The following CNTNAP2 variants were observed in gnomAD, a reference collection of about 807,000 sequenced individuals.
CNTNAP2 encodes the protein contactin-associated protein-like 2.
CNTNAP2 carries 98 observed loss-of-function variants against 155.2 expected under a neutral mutation model. The observed-to-expected ratio is 0.63, with a 90% CI of 0.54 to 0.75. The LOEUF (loss-of-function observed/expected upper bound fraction) is 0.75. Ranked by LOEUF, CNTNAP2 falls within the 30% of genes least tolerant of loss-of-function variation. CNTNAP2 has a pLI of 0.00. For synonymous variants in CNTNAP2, 651 were observed against 631.2 expected, an observed-to-expected ratio of 1.03 and a Z score of -0.47; for missense variants, 1,727 against 1,688.1, an observed-to-expected ratio of 1.02 and a Z score of -0.40.
At chr7:146,835,642 G>A (rs1803602490) in intron 2 of CNTNAP2, among the ~76,000 whole-genome samples, 1 of 152,096 alleles carries the variant, frequency 6.6e-6, no homozygotes, top group South Asian at 2.1e-4. Context: ...GCAGGTATAA[G>A]TAACTCATTG....
chr7:147,996,289 A>G (rs1444240398), intron 15 of CNTNAP2, among the ~76,000 whole-genome samples: 1 of 152,258 alleles, frequency 6.6e-6, no homozygotes, highest in Non-Finnish European at 1.5e-5. Flanking sequence ...ACTTGATTAC[A>G]GAAATTACCT....
intron 12 of CNTNAP2, among the ~76,000 whole-genome samples, chr7:147,597,896 G>C (rs575974402): frequency 6.6e-6 from 1 of 152,136 alleles, no homozygotes; most frequent in Non-Finnish European, 1.5e-5. Flanking sequence ...CAGTCAATTC[G>C]CACCCTTTAG....
At chr7:147,089,200 G>A (rs778788303) in intron 4 of CNTNAP2, among the ~76,000 whole-genome samples, 7 of 152,108 alleles carry the variant, frequency 4.6e-5, no homozygotes, top group South Asian at 4.1e-4. Flanking sequence ...TGTATGTTCC[G>A]TGTATGCATC....
intron 12 of CNTNAP2, among the ~76,000 whole-genome samples, chr7:147,572,914 A>C (rs1800322612): frequency 6.6e-6 from 1 of 151,974 alleles, no homozygotes; most frequent in Non-Finnish European, 1.5e-5. Flanking sequence ...ATCACCTTTT[A>C]TTTCTTCTGA....
intron 21 of CNTNAP2, among the ~76,000 whole-genome samples, chr7:148,347,611 G>A (rs1585294761): frequency 6.6e-6 from 1 of 152,006 alleles, no homozygotes; most frequent in East Asian, 1.9e-4. Context: ...TATTATCTAG[G>A]GTATTACAGT....
chr7:147,203,364 T>G lies in CNTNAP2; in HGVS notation c.1348+70855T>G, dbSNP rs112168269. 9.8e-3 allele frequency among the ~76,000 whole-genome samples: 1,490 copies of G among 152,238 alleles called. 21 individuals carry two copies. Among genetic ancestry groups the G allele is most frequent in the African/African-American group, 0.035 (1,438 of 41,542 alleles). On this transcript the variant is annotated intron_variant, in intron 8 of 23. Coordinates refer to ENST00000361727, the MANE Select transcript of CNTNAP2 (RefSeq NM_014141.6). Reference sequence around the variant, plus strand: ...GGTTCAAGCAATTCTCCCCAGTAGCTGGGATTACAGGTACCCACCACCATG... The same window carrying G: ...GGTTCAAGCAATTCTCCCCAGTAGCGGGGATTACAGGTACCCACCACCATG...
intron 11 of CNTNAP2, among the ~76,000 whole-genome samples, chr7:147,544,493 A>G (rs1413839324): frequency 3.9e-5 from 6 of 152,276 alleles, no homozygotes; most frequent in African/African-American, 1.4e-4. Flanking sequence ...AAAAATGAAA[A>G]TTGTTATAGG....
intron 9 of CNTNAP2, among the ~76,000 whole-genome samples, chr7:147,310,072 G>A (rs960395321): frequency 6.6e-6 from 1 of 152,050 alleles, no homozygotes; most frequent in African/African-American, 2.4e-5. Flanking sequence ...TTTTCCACTT[G>A]GAGATTGGAA....
intron 1 of CNTNAP2, among the ~76,000 whole-genome samples, chr7:146,244,973 G>A (rs1799621984): frequency 6.6e-6 from 1 of 152,166 alleles, no homozygotes; most frequent in East Asian, 1.9e-4. Context: ...TCCCTGAGGA[G>A]TAGTAGAATA....
At chr7:147,457,358 T>C (rs897295212) in intron 10 of CNTNAP2, among the ~76,000 whole-genome samples, 2 of 152,154 alleles carry the variant, frequency 1.3e-5, no homozygotes, top group African/African-American at 2.4e-5. Flanking sequence ...TTCTTTGCAG[T>C]TGTAACGCTC....
chr7:147,749,088 C>T (rs1335138897), intron 13 of CNTNAP2, among the ~76,000 whole-genome samples: 1 of 151,844 alleles, frequency 6.6e-6, no homozygotes, highest in African/African-American at 2.4e-5. Context: ...ATTGGTTATA[C>T]AATATTTGGG....
rs1185335202 is a variant in CNTNAP2 at position 147,298,707 on chromosome 7, C to T, written c.1349-1434C>T. Among the ~76,000 whole-genome samples the T allele has an allele frequency of 2.0e-5, 3 of 152,312 alleles. No individual in the cohort carries two copies. The East Asian group carries it at 5.8e-4, about 29-fold the overall frequency. ...ACTACATAGTTTCCAGTGCAGCTGA[C>T]TCTTGATGTAGGGCATGTGGTATGT... is the stretch of plus-strand genomic sequence containing the variant. On this transcript the variant is annotated intron_variant, in intron 8 of 23. Coordinates refer to ENST00000361727, the MANE Select transcript of CNTNAP2 (RefSeq NM_014141.6).
At chr7:146,880,462 A>G (rs1795523034) in intron 3 of CNTNAP2, among the ~76,000 whole-genome samples, 1 of 152,102 alleles carries the variant, frequency 6.6e-6, no homozygotes, top group African/African-American at 2.4e-5. Flanking sequence ...GTGAGAAATA[A>G]ATGTTTGTTT....
intron 11 of CNTNAP2, among the ~76,000 whole-genome samples, chr7:147,525,629 C>G (rs1302488651): frequency 6.6e-6 from 1 of 152,112 alleles, no homozygotes; most frequent in Non-Finnish European, 1.5e-5. Flanking sequence ...AGTCCTTGAA[C>G]TTTATTCTGG....
In CNTNAP2 at chr7:147,878,150, T is replaced by A. The variant is rs77170709; in HGVS notation, c.2099-25415T>A. Among the ~76,000 whole-genome samples, 24 of 151,438 alleles carry A rather than the reference T, an allele frequency of 1.6e-4. No homozygotes were observed. The South Asian group carries it at 3.3e-3, about 21-fold the overall frequency. ...TTAGCATTGGAAGTTTAGGGTTTTT[T>A]TTTTTTTCTTTTTCTTTTAGTGGAG... On this transcript the variant is annotated intron_variant, in intron 13 of 23. Transcript: ENST00000361727.
intron 8 of CNTNAP2, among the ~76,000 whole-genome samples, chr7:147,231,116 A>T (rs1232628207): frequency 6.6e-6 from 1 of 152,240 alleles, no homozygotes; most frequent in East Asian, 1.9e-4. Flanking sequence ...CTCTCCTGAG[A>T]ACGCACTCAC....
intron 21 of CNTNAP2, among the ~76,000 whole-genome samples, chr7:148,360,286 G>A (rs547867870): frequency 6.6e-6 from 1 of 152,256 alleles, no homozygotes; most frequent in Admixed American, 6.5e-5. Flanking sequence ...AGGAGTGGAA[G>A]AAGGAGAAGA....
intron 1 of CNTNAP2, among the ~76,000 whole-genome samples, chr7:146,581,659 C>CA (rs11331896): frequency 0.016 from 2,255 of 145,030 alleles, 34 homozygotes; most frequent in Admixed American, 0.038. Flanking sequence ...CCATTTTTAG[C>CA]AAAAAAAAAA....
chr7:147,986,681 A>G (rs891259382), intron 15 of CNTNAP2, among the ~76,000 whole-genome samples: 4 of 152,126 alleles, frequency 2.6e-5, no homozygotes, highest in Non-Finnish European at 4.4e-5. Flanking sequence ...TTGACACCCA[A>G]AGAGGAAACT....
Sources: gnomAD v4.1 joint callset for allele counts (sites outside exome capture counted in the v4.1 genomes callset) on GRCh38, gnomAD v4.1.1 for gene constraint, MANE v1.5 for transcripts, NCBI Gene and HGNC (gene_info 2026-07-23, HGNC 2026-07-21) for gene names.